GTPBP10: variants seen among roughly 807,000 people sequenced by gnomAD.
GTPBP10 encodes GTP binding protein 10, also known as GTP-binding protein 10.
In GTPBP10, 38 loss-of-function variants were observed where a neutral mutation model predicts 44.8. The ratio of observed to expected loss-of-function variants is 0.85; its 90% CI spans 0.65 to 1.11. The LOEUF (loss-of-function observed/expected upper bound fraction) is 1.11, where lower values mean the gene tolerates loss of function less well. GTPBP10 is among the 50% of genes most tolerant of loss of function. The pLI is 0.00. For missense variants in GTPBP10, 462 were observed against 453.7 expected (o/e 1.02, Z -0.17); for synonymous variants, 152 against 150.6 (o/e 1.01, Z -0.07).
chr7:90,381,021 G>A (rs1174740495), intron 8 of GTPBP10, among the ~76,000 whole-genome samples: 9 of 151,800 alleles, frequency 5.9e-5, no homozygotes, highest in African/African-American at 9.7e-5. Context: ...CCACATTTTC[G>A]TTATTCATCC....
At position 90,386,035 on chromosome 7, in the gene GTPBP10, T is replaced by A. The variant is rs1796519280; in HGVS notation, c.*881T>A. ...GAGGTCGCGCCACTGCACTTCAGCC[T>A]GGGTGACAGAGCTAGACTCCATCTC... On this transcript the variant is annotated 3_prime_UTR_variant, in exon 10 of 10. Transcript: ENST00000222511. The A allele has an allele frequency of 6.6e-6, 1 of 151,738 alleles. No homozygotes were observed. 9.4% of individuals were successfully genotyped at this position (151,738 alleles called of 1,614,324 possible). A position where few individuals can be genotyped will look rare whatever the true frequency, so the allele number is the denominator to read the frequency against.
rs747466592 is a variant in GTPBP10 at position 90,378,207 on chromosome 7, C to T, written c.773C>T (p.Thr258Ile). The T allele has an allele frequency of 6.2e-7, 1 of 1,611,384 alleles. No homozygotes were observed. Among genetic ancestry groups the T allele is most frequent in the Admixed American group, 1.7e-5 (1 of 59,910 alleles). Residue 258 changes from threonine (T) to isoleucine (I), a missense_variant, in exon 8 of 10, where the codon ACA (threonine) becomes ATA (isoleucine). Physicochemically the swap from Thr to Ile is moderately conservative, Grantham distance 89 (BLOSUM62 -1). Coordinates refer to ENST00000222511, the MANE Select transcript of GTPBP10 (RefSeq NM_033107.4). ...GCTTTTGAAACCATAATACTGCTTA[C>T]AAAAGTAGGTTTTCTGTTTTACTGT... is the stretch of plus-strand genomic sequence containing the variant. Reference protein sequence around the residue: ...RTAFETIILLTKELELYKEEL... With the variant: ...RTAFETIILLIKELELYKEEL...
At chr7:90,365,475 A>G (rs1020906298) in intron 4 of GTPBP10, among the ~76,000 whole-genome samples, 4 of 138,802 alleles carry the variant, frequency 2.9e-5, no homozygotes, top group Admixed American at 1.6e-4. Context: ...TCCCAGGTTC[A>G]CGCCATTCTC....
chr7:90,352,887 A>C lies in GTPBP10; in HGVS notation c.105A>C (p.Leu35Phe), dbSNP rs2115610225. ...CCGGTGGAATGGGTTATCCTCGTTT[A>C]GGTGGAGAAGGTGGAAAAGGTGGTG... is the stretch of plus-strand genomic sequence containing the variant. ...GGSGGMGYPR[L>F]GGEGGKGGDV... The change falls in exon 2 of 10, where the codon TTA becomes TTC. Residue 35 changes from leucine to phenylalanine, a missense_variant. By Grantham distance (22) the Leu-to-Phe change is conservative. Coordinates refer to ENST00000222511, the MANE Select transcript of GTPBP10 (RefSeq NM_033107.4). 4 of 1,613,904 alleles carry C rather than the reference A, an allele frequency of 2.5e-6. No homozygotes were observed. In the East Asian group the frequency reaches 8.9e-5, roughly 36 times the overall value.
chr7:90,360,727 G>T (rs888225510), intron 4 of GTPBP10, among the ~76,000 whole-genome samples: 2 of 152,090 alleles, frequency 1.3e-5, no homozygotes, highest in African/African-American at 4.8e-5. Flanking sequence ...AATTACCTTG[G>T]GCAGTATGGC....
chr7:90,386,181 G>A lies in GTPBP10; in HGVS notation c.*1027G>A, dbSNP rs889267678. The A allele has an allele frequency of 4.6e-5, 7 of 152,106 alleles. No homozygotes were observed. Among genetic ancestry groups the A allele is most frequent in the African/African-American group, 1.7e-4 (7 of 41,510 alleles). The allele number at this position is 152,106 out of a possible 1,614,324, so 9.4% of individuals were successfully genotyped here. On this transcript the variant is annotated 3_prime_UTR_variant, in exon 10 of 10. Coordinates refer to ENST00000222511, the MANE Select transcript of GTPBP10 (RefSeq NM_033107.4). ...TATTGAGATCATTTTTTAAATTTAT[G>A]TGGAAGGATTCTCTAGATTATTATT... is the stretch of plus-strand genomic sequence containing the variant.
chr7:90,376,174 G>A (rs1562959917), intron 6 of GTPBP10, among the ~76,000 whole-genome samples: 1 of 151,940 alleles, frequency 6.6e-6, no homozygotes, highest in Non-Finnish European at 1.5e-5. Context: ...GGTGGAGCTT[G>A]CAGTAAGCCA....
At chr7:90,378,305 C>T (rs932221275) in intron 8 of GTPBP10, 94 bp downstream of exon 8, 61 of 1,383,870 alleles carry the variant, frequency 4.4e-5, no homozygotes, top group Non-Finnish European at 5.9e-5. Flanking sequence ...ATACATACTC[C>T]ACCTTTAAAG....
In GTPBP10 at chr7:90,372,482, C is replaced by CT. The variant is rs757973599; in HGVS notation, c.538+269dup. ...GGTATGTGCCACCATGCTTGGCTAA[C>CT]TTTTTTTTTTTTTTTGTGGGGACAG... On this transcript the variant is annotated intron_variant, in intron 5 of 9. Coordinates refer to ENST00000222511, the MANE Select transcript of GTPBP10 (RefSeq NM_033107.4). 1.3e-3 allele frequency among the ~76,000 whole-genome samples: 144 copies of CT among 112,154 alleles called. 2 individuals carry two copies. The highest frequency in any genetic ancestry group is 1.3e-3 in the Admixed American group (14 of 10,648). The allele number at this position is 112,154 out of a possible 152,430, so 73.6% of individuals were successfully genotyped here.
chr7:90,368,038 G>A (rs989688828), intron 4 of GTPBP10, among the ~76,000 whole-genome samples: 21 of 152,080 alleles, frequency 1.4e-4, no homozygotes, highest in African/African-American at 9.7e-5. Flanking sequence ...CTTCACTTAC[G>A]AATCTTAATT....
Position 90,382,958 on chromosome 7 carries a change from G to A in GTPBP10, c.780G>A (p.Glu260=), listed in dbSNP as rs781709823. Residue 260 remains glutamate, a splice_region_variant and synonymous_variant, in exon 9 of 10, where the codon GAG becomes GAA. Coordinates refer to ENST00000222511, the MANE Select transcript of GTPBP10 (RefSeq NM_033107.4). ...GGGTTTTCTCTTTTGATTTAAAGGA[G>A]TTGGAATTGTACAAAGAGGAACTTC... ...AFETIILLTK[E]LELYKEELQT... 1.8e-5 allele frequency: 28 copies of A among 1,537,270 alleles called. 1 individual carries two copies. In the South Asian group the frequency reaches 3.5e-4, roughly 19 times the overall value.
At chr7:90,383,104 C>T (rs1384220807) in intron 9 of GTPBP10, 25 bp downstream of exon 9, 4 of 1,479,850 alleles carry the variant, frequency 2.7e-6, no homozygotes, top group East Asian at 4.6e-5. Context: ...TCATTTAATT[C>T]TAATTTAAAG....
intron 4 of GTPBP10, among the ~76,000 whole-genome samples, chr7:90,371,016 TAAA>T (rs1263746825): frequency 1.2e-5 from 1 of 85,272 alleles, no homozygotes; most frequent in Non-Finnish European, 2.2e-5. Context: ...AATAGATAAA[TAAA>T]TAAATAAATA....
chr7:90,355,069 C>T lies in GTPBP10; in HGVS notation c.320-17C>T. On this transcript the variant is annotated splice_polypyrimidine_tract_variant and intron_variant, in intron 3 of 9. Coordinates refer to ENST00000222511, the MANE Select transcript of GTPBP10 (RefSeq NM_033107.4). ...TTATTAATCTTTGCTGTAAGTATTT[C>T]TCTCCCTCTTTTTAAGGAGAACTCA... is the stretch of plus-strand genomic sequence containing the variant. The T allele has an allele frequency of 6.7e-7, 1 of 1,497,218 alleles. No individual in the cohort carries two copies. Among genetic ancestry groups the T allele is most frequent in the Non-Finnish European group, 9.1e-7 (1 of 1,095,010 alleles). 92.7% of individuals were successfully genotyped at this position (1,497,218 alleles called of 1,614,324 possible).
At chr7:90,348,954 G>A (rs901840718) in intron 1 of GTPBP10, among the ~76,000 whole-genome samples, 4 of 152,170 alleles carry the variant, frequency 2.6e-5, no homozygotes, top group African/African-American at 9.7e-5. Context: ...CACTCATCAA[G>A]CTGTCTTCTG....
chr7:90,378,639 C>T (rs1284737184), intron 8 of GTPBP10, among the ~76,000 whole-genome samples: 1 of 152,146 alleles, frequency 6.6e-6, no homozygotes, highest in Non-Finnish European at 1.5e-5. Flanking sequence ...CTTACTCACT[C>T]CCGTTGCTTT....
chr7:90,382,972 A>G lies in GTPBP10; in HGVS notation c.794A>G (p.Lys265Arg). The change falls in exon 9 of 10, where the codon AAA becomes AGA. Residue 265 changes from lysine to arginine, a missense_variant. Coordinates refer to ENST00000222511, the MANE Select transcript of GTPBP10 (RefSeq NM_033107.4). The part of the protein sequence containing the change: ...ILLTKELELY[K>R]EELQTKPALL... ...GATTTAAAGGAGTTGGAATTGTACA[A>G]AGAGGAACTTCAGACAAAACCTGCA... 1.3e-6 allele frequency: 2 copies of G among 1,577,054 alleles called. No homozygotes were observed. Among genetic ancestry groups the G allele is most frequent in the Non-Finnish European group, 1.7e-6 (2 of 1,156,764 alleles).
intron 4 of GTPBP10, among the ~76,000 whole-genome samples, chr7:90,363,721 G>A (rs1222454816): frequency 6.6e-6 from 1 of 152,204 alleles, no homozygotes; most frequent in East Asian, 1.9e-4. Flanking sequence ...ATAATATCCT[G>A]CAGAGTGTTT....
chr7:90,385,275 C>CT lies in GTPBP10; in HGVS notation c.*122dup, dbSNP rs1796504826. The CT allele has an allele frequency of 3.1e-6, 2 of 651,864 alleles. No homozygotes were observed. The highest frequency in any genetic ancestry group is 2.5e-6 in the Non-Finnish European group (1 of 399,772). 40.4% of individuals were successfully genotyped at this position (651,864 alleles called of 1,614,324 possible). A position where few individuals can be genotyped will look rare whatever the true frequency, so the allele number is the denominator to read the frequency against. The stretch of plus-strand genomic sequence containing the variant: ...TAAGCCAGGCTTAGAAAGACAAATG[C>CT]TGCATAATCTCACTGTGGAATCTTA... On this transcript the variant is annotated 3_prime_UTR_variant, in exon 10 of 10. Transcript: ENST00000222511.
Sources: gnomAD v4.1 joint callset for allele counts (sites outside exome capture counted in the v4.1 genomes callset) on GRCh38, gnomAD v4.1.1 for gene constraint, MANE v1.5 for transcripts, NCBI Gene and HGNC (gene_info 2026-07-23, HGNC 2026-07-21) for gene names.